The following RIMS2 variants were observed in gnomAD, a reference collection of about 807,000 sequenced individuals.
RIMS2 encodes the protein regulating synaptic membrane exocytosis 2.
In RIMS2, 59 loss-of-function variants were observed where a neutral mutation model predicts 174.4. That is an observed-to-expected ratio of 0.34 (90% confidence interval 0.27 to 0.42). The LOEUF (loss-of-function observed/expected upper bound fraction) is 0.42, where lower values mean the gene tolerates loss of function less well. Ranked by LOEUF, RIMS2 falls within the 10% of genes least tolerant of loss-of-function variation. The probability of loss-of-function intolerance (pLI) is 1.00; values close to 1 mark genes in which losing one functional copy is unlikely to be tolerated. For synonymous variants in RIMS2, 606 were observed against 572.5 expected (o/e 1.06, Z -0.84); for missense variants, 1,620 against 1,666.3 (o/e 0.97, Z 0.48).
intron 19 of RIMS2, among the ~76,000 whole-genome samples, chr8:104,119,226 G>A (rs1424841983): frequency 2.0e-5 from 3 of 151,892 alleles, no homozygotes; most frequent in South Asian, 2.1e-4. Context: ...TGGGCCTGGC[G>A]GCATGCACCT....
intron 3 of RIMS2, among the ~76,000 whole-genome samples, chr8:103,799,731 G>T (rs1291618175): frequency 6.6e-6 from 1 of 152,074 alleles, no homozygotes; most frequent in African/African-American, 2.4e-5. Context: ...ATACATATTA[G>T]CTACTTGGAT....
At chr8:103,798,573 C>G (rs970556384) in intron 3 of RIMS2, among the ~76,000 whole-genome samples, 2 of 152,070 alleles carry the variant, frequency 1.3e-5, no homozygotes, top group Non-Finnish European at 2.9e-5. Context: ...GTGTTTTCTT[C>G]CCACTTAAAT....
At position 103,989,306 on chromosome 8, in the gene RIMS2, C is replaced by A. The variant is rs1348777772; in HGVS notation, c.2929C>A (p.Arg977=). The A allele has an allele frequency of 2.0e-5, 32 of 1,571,668 alleles. No individual in the cohort carries two copies. In the Admixed American group the frequency reaches 5.2e-4, roughly 26 times the overall value. Residue 977 remains arginine, a splice_region_variant and synonymous_variant, in exon 17 of 24, where the codon CGG becomes AGG. Coordinates refer to ENST00000504942, the Ensembl canonical transcript of RIMS2. ...ATTGAATAGATCTTGTTGTTTTAGT[C>A]GGAATGTGGAACAGGGGCTTCGAGG...
intron 15 of RIMS2, among the ~76,000 whole-genome samples, chr8:103,965,918 T>A (rs976266235): frequency 1.2e-4 from 19 of 152,234 alleles, no homozygotes; most frequent in East Asian, 3.9e-4. Context: ...GATTTTTTTT[T>A]ATAGCCTGTT....
intron 19 of RIMS2, among the ~76,000 whole-genome samples, chr8:104,228,431 T>A (rs538425151): frequency 6.6e-6 from 1 of 152,336 alleles, no homozygotes; most frequent in Admixed American, 6.5e-5. Context: ...TAATTCTTAA[T>A]AATCAGTCCC....
chr8:103,763,865 G>A (rs1401523002), intron 2 of RIMS2, among the ~76,000 whole-genome samples: 1 of 152,216 alleles, frequency 6.6e-6, no homozygotes, highest in Admixed American at 6.5e-5. Context: ...ACAAGGCTGT[G>A]TATGAACTCC....
intron 13 of RIMS2, among the ~76,000 whole-genome samples, chr8:103,938,255 C>G (rs2081719132): frequency 6.6e-6 from 1 of 151,902 alleles, no homozygotes; most frequent in Admixed American, 6.6e-5. Context: ...AAAGACATAC[C>G]CGAGACTGGG....
chr8:104,251,727 C>T, exon 24 of RIMS2: 1 of 1,611,876 alleles, frequency 6.2e-7, no homozygotes, highest in Non-Finnish European at 8.5e-7. Context: ...TCCCACCTTC[C>T]TCCCTAGTAG....
At chr8:104,151,874 G>A (rs561290796) in intron 19 of RIMS2, among the ~76,000 whole-genome samples, 107 of 151,984 alleles carry the variant, frequency 7.0e-4, no homozygotes, top group Admixed American at 1.5e-3. Flanking sequence ...AGAATTGCGC[G>A]GAGGAAGAGC....
chr8:103,567,828 T>G (rs1225522987), intron 1 of RIMS2, among the ~76,000 whole-genome samples: 1 of 152,248 alleles, frequency 6.6e-6, no homozygotes, highest in Non-Finnish European at 1.5e-5. Flanking sequence ...CACTTGTTAT[T>G]TTCTCTTTTT....
At chr8:103,638,328 A>C (rs2096138331) in intron 1 of RIMS2, among the ~76,000 whole-genome samples, 1 of 152,106 alleles carries the variant, frequency 6.6e-6, no homozygotes, top group African/African-American at 2.4e-5. Context: ...TTTGATTTCT[A>C]ATGTTAGCAT....
At chr8:104,256,025 A>G (rs1020728005), downstream of RIMS2, 2 of 152,232 alleles carry the variant, frequency 1.3e-5, no homozygotes, top group African/African-American at 4.8e-5. Context: ...CCTTCAGGGC[A>G]GAGACCGTAT....
exon 16 of RIMS2, chr8:103,975,414 A>C (rs771626747): frequency 6.2e-7 from 1 of 1,612,466 alleles, no homozygotes; most frequent in Non-Finnish European, 8.5e-7. Flanking sequence ...AAGTAATGTC[A>C]TCAAACCACT....
At chr8:103,922,958 A>C (rs1305728840) in intron 10 of RIMS2, among the ~76,000 whole-genome samples, 1 of 151,930 alleles carries the variant, frequency 6.6e-6, no homozygotes, top group East Asian at 1.9e-4. Context: ...GGAGATTGTA[A>C]ATGTTCCACT....
At chr8:104,040,732 T>C (rs10955337) in intron 19 of RIMS2, among the ~76,000 whole-genome samples, 38,340 of 151,510 alleles carry the variant, frequency 0.25, 5,258 homozygotes, top group African/African-American at 0.35. Context: ...ACTATAATTA[T>C]TACTTCATAA....
intron 19 of RIMS2, among the ~76,000 whole-genome samples, chr8:104,126,654 T>C (rs1165708139): frequency 6.6e-6 from 1 of 152,200 alleles, no homozygotes; most frequent in Non-Finnish European, 1.5e-5. Context: ...TTTTAAAATA[T>C]GTGAGTGCTT....
At chr8:103,766,042 GA>G (rs2098167130) in intron 2 of RIMS2, among the ~76,000 whole-genome samples, 184 bp from the exon 6 acceptor site, 1 of 151,682 alleles carries the variant, frequency 6.6e-6, no homozygotes, top group Non-Finnish European at 1.5e-5. Flanking sequence ...TATTTCATTA[GA>G]ATTATTCAGA....
chr8:103,816,074 T>A (rs984804344), intron 3 of RIMS2, among the ~76,000 whole-genome samples: 2 of 152,186 alleles, frequency 1.3e-5, no homozygotes, highest in African/African-American at 4.8e-5. Flanking sequence ...GAACCTGCAC[T>A]ATATTGAAAA....
intron 3 of RIMS2, among the ~76,000 whole-genome samples, chr8:103,854,178 G>T (rs1487044251): frequency 6.6e-6 from 1 of 152,028 alleles, no homozygotes; most frequent in East Asian, 1.9e-4. Context: ...TTGGCACTCA[G>T]CCTGGACATT....
Sources: allele counts gnomAD v4.1 joint callset (sites outside exome capture counted in the v4.1 genomes callset), GRCh38; gene constraint gnomAD v4.1.1; transcripts MANE v1.5; gene names NCBI Gene and HGNC (gene_info 2026-07-23, HGNC 2026-07-21).